Variants in SH3GL2 observed in about 807,000 individuals in gnomAD.
The protein encoded by SH3GL2 is endophilin-A1.
Under a neutral mutation model 46.0 loss-of-function variants are expected in SH3GL2, and 24 were observed. The observed-to-expected ratio is 0.52, with a 90% CI of 0.38 to 0.73. SH3GL2 has a LOEUF of 0.73. Among genes scored for constraint, SH3GL2 ranks in the 30% least tolerant of loss-of-function variants. SH3GL2 has a pLI of 0.00. For missense variants in SH3GL2, 413 were observed against 424.2 expected (o/e 0.97, Z 0.23); for synonymous variants, 196 against 147.1 (o/e 1.33, Z -2.40).
At chr9:17,639,874 A>C (rs2134641041) in intron 1 of SH3GL2, among the ~76,000 whole-genome samples, 1 of 152,334 alleles carries the variant, frequency 6.6e-6, no homozygotes, top group Non-Finnish European at 1.5e-5. Context: ...AAAGATGTCA[A>C]ACCCAAAAGA....
intron 1 of SH3GL2, among the ~76,000 whole-genome samples, chr9:17,630,764 C>G (rs868720016): frequency 6.6e-6 from 1 of 152,180 alleles, no homozygotes; most frequent in East Asian, 1.9e-4. Context: ...TGTAGCCTTT[C>G]GAGTCTCCAA....
intron 1 of SH3GL2, among the ~76,000 whole-genome samples, chr9:17,718,949 C>G (rs963244752): frequency 6.6e-6 from 1 of 152,104 alleles, no homozygotes; most frequent in African/African-American, 2.4e-5. Flanking sequence ...CTGCCATCCA[C>G]TATAACTTCT....
intron 1 of SH3GL2, among the ~76,000 whole-genome samples, chr9:17,608,872 A>T (rs1385391775): frequency 6.6e-6 from 1 of 152,268 alleles, no homozygotes; most frequent in Non-Finnish European, 1.5e-5. Context: ...TAGACAGAAA[A>T]TTCAGTGCAG....
At chr9:17,759,388 A>T (rs1271441157) in intron 2 of SH3GL2, among the ~76,000 whole-genome samples, 1 of 152,220 alleles carries the variant, frequency 6.6e-6, no homozygotes, top group Non-Finnish European at 1.5e-5. Context: ...GCCCCATCTT[A>T]GGGAGGGAAC....
chr9:17,595,269 C>T (rs1369047927), intron 1 of SH3GL2, among the ~76,000 whole-genome samples: 1 of 152,052 alleles, frequency 6.6e-6, no homozygotes, highest in Non-Finnish European at 1.5e-5. Context: ...TTAGTGGTCA[C>T]CAAGAAGACG....
chr9:17,751,068 C>G (rs1011541039), intron 2 of SH3GL2, among the ~76,000 whole-genome samples: 1 of 152,166 alleles, frequency 6.6e-6, no homozygotes, highest in Non-Finnish European at 1.5e-5. Context: ...AATATAGTAT[C>G]TGTTTTGCAG....
chr9:17,672,665 A>C (rs941278407), intron 1 of SH3GL2, among the ~76,000 whole-genome samples: 15 of 152,110 alleles, frequency 9.9e-5, no homozygotes, highest in Non-Finnish European at 1.5e-4. Context: ...AGAGGACCTA[A>C]GGAGTGATTG....
Position 17,791,267 on chromosome 9 carries a change from G to A in SH3GL2, c.661G>A (p.Ala221Thr), listed in dbSNP as rs760865937. The change falls in exon 7 of 9, where the codon GCT becomes ACT. Residue 221 changes from alanine to threonine, a missense_variant. By Grantham distance (58) the Ala-to-Thr change is moderately conservative (BLOSUM62 0). Coordinates refer to ENST00000380607, the MANE Select transcript of SH3GL2 (RefSeq NM_003026.5). ...QVSQLSALVQ[A>T]QLEYHKQAVQ... ...GAGCCAGCTCTCTGCACTTGTGCAA[G>A]CTCAGCTGGAGTACCACAAGCAGGC... The A allele has an allele frequency of 3.0e-5, 48 of 1,613,594 alleles. No individual in the cohort carries two copies. In the Admixed American group the frequency reaches 7.5e-4, roughly 25 times the overall value.
chr9:17,750,417 C>G (rs1270571160), intron 2 of SH3GL2, among the ~76,000 whole-genome samples: 2 of 152,044 alleles, frequency 1.3e-5, no homozygotes, highest in Non-Finnish European at 1.5e-5. Flanking sequence ...AATCAGCCGC[C>G]CCAGCCACTC....
At chr9:17,747,756 C>T (rs1013848943) in intron 2 of SH3GL2, among the ~76,000 whole-genome samples, 1 of 152,200 alleles carries the variant, frequency 6.6e-6, no homozygotes, top group African/African-American at 2.4e-5. Context: ...CTCACTGCAA[C>T]CTCCGTCTCC....
chr9:17,582,455 T>C (rs1217284808), intron 1 of SH3GL2, among the ~76,000 whole-genome samples: 1 of 152,208 alleles, frequency 6.6e-6, no homozygotes, highest in Non-Finnish European at 1.5e-5. Flanking sequence ...AAAAGTCATG[T>C]CAGTTTTTTT....
At chr9:17,647,551 C>T (rs937902482) in intron 1 of SH3GL2, among the ~76,000 whole-genome samples, 1 of 152,068 alleles carries the variant, frequency 6.6e-6, no homozygotes, top group African/African-American at 2.4e-5. Flanking sequence ...CATACAAAGC[C>T]TCACCTTTCT....
chr9:17,622,982 T>TTCCCTTTCCTTTCCGTTCCG (rs1563786408), intron 1 of SH3GL2, among the ~76,000 whole-genome samples: 4 of 77,250 alleles, frequency 5.2e-5, no homozygotes, highest in African/African-American at 2.2e-4. Context: ...TTTCGTTTCC[T>TTCCCTTTCCTTTCCGTTCCG]TTCGTTTCCT....
At chr9:17,726,530 T>C (rs763552445) in intron 1 of SH3GL2, among the ~76,000 whole-genome samples, 3 of 152,126 alleles carry the variant, frequency 2.0e-5, no homozygotes, top group Non-Finnish European at 4.4e-5. Context: ...CCCAGCATAA[T>C]CATAGTGAGC....
At chr9:17,636,946 T>C (rs539205106) in intron 1 of SH3GL2, among the ~76,000 whole-genome samples, 1 of 152,342 alleles carries the variant, frequency 6.6e-6, no homozygotes, top group East Asian at 1.9e-4. Flanking sequence ...TCATGTGTGA[T>C]GTGTTGTTAT....
chr9:17,759,554 C>G (rs558292621), intron 2 of SH3GL2, among the ~76,000 whole-genome samples: 27 of 152,276 alleles, frequency 1.8e-4, no homozygotes, highest in African/African-American at 5.3e-4. Flanking sequence ...CTTAACCCCT[C>G]TGTATCTGTT....
chr9:17,741,401 C>G (rs901692690), intron 1 of SH3GL2, among the ~76,000 whole-genome samples: 4 of 152,068 alleles, frequency 2.6e-5, no homozygotes, highest in African/African-American at 9.7e-5. Flanking sequence ...ATACTAATTG[C>G]AGTTGTAATG....
At chr9:17,707,382 A>C (rs1821497888) in intron 1 of SH3GL2, among the ~76,000 whole-genome samples, 1 of 151,988 alleles carries the variant, frequency 6.6e-6, no homozygotes, top group African/African-American at 2.4e-5. Context: ...TTTAATTTCA[A>C]GTCTCAACTC....
chr9:17,770,556 A>G (rs1215973288), intron 3 of SH3GL2, among the ~76,000 whole-genome samples: 6 of 152,168 alleles, frequency 3.9e-5, no homozygotes, highest in Non-Finnish European at 1.5e-5. Flanking sequence ...AAATATGGCA[A>G]AGGTAATGGA....
Sources: gnomAD v4.1 joint callset for allele counts (sites outside exome capture counted in the v4.1 genomes callset) on GRCh38, gnomAD v4.1.1 for gene constraint, MANE v1.5 for transcripts, NCBI Gene and HGNC (gene_info 2026-07-23, HGNC 2026-07-21) for gene names.